Variants in MYT1L observed in about 807,000 individuals in gnomAD.
MYT1L encodes the protein myelin transcription factor 1-like protein.
Under a neutral mutation model 126.7 loss-of-function variants are expected in MYT1L, and 12 were observed. That is an observed-to-expected ratio of 0.09 (90% CI 0.06 to 0.15). The LOEUF is 0.15. Ranked by LOEUF, MYT1L falls within the 10% of genes least tolerant of loss-of-function variation. The pLI, the probability that MYT1L is intolerant of heterozygous loss-of-function variation, is 1.00. For synonymous variants in MYT1L, 541 were observed against 604.2 expected (o/e 0.90, Z 1.53); for missense variants, 979 against 1,585.2 (o/e 0.62, Z 6.49).
chr2:2,140,833 T>C (rs2083868056), intron 3 of MYT1L, among the ~76,000 whole-genome samples: 1 of 152,220 alleles, frequency 6.6e-6, no homozygotes, highest in Non-Finnish European at 1.5e-5. Context: ...CCTCCCAAAG[T>C]GTTGGGATTA....
At chr2:1,920,108 TGGTCA>T (rs1330727497) in intron 10 of MYT1L, among the ~76,000 whole-genome samples, 1 of 152,182 alleles carries the variant, frequency 6.6e-6, no homozygotes, top group Non-Finnish European at 1.5e-5. Flanking sequence ...AAATGAGCTT[TGGTCA>T]GAGCAGGAAG....
chr2:1,999,468 A>C (rs575267674), intron 4 of MYT1L, among the ~76,000 whole-genome samples: 3 of 152,364 alleles, frequency 2.0e-5, no homozygotes, highest in Admixed American at 6.5e-5. Context: ...ACACAGTTGA[A>C]ATCTTAAATA....
intron 8 of MYT1L, among the ~76,000 whole-genome samples, chr2:1,952,830 TCCTTCCCTTACCTTTG>T (rs1355676279): frequency 1.5e-5 from 1 of 68,706 alleles, no homozygotes; most frequent in African/African-American, 7.0e-5. Context: ...TCTCCCTCCC[TCCTTCCCTTACCTTTG>T]CCTTCCCTTA....
intron 13 of MYT1L, among the ~76,000 whole-genome samples, chr2:1,904,845 G>A (rs1193421175): frequency 1.3e-5 from 2 of 151,244 alleles, no homozygotes; most frequent in East Asian, 2.0e-4. Context: ...CCAGGCTGGA[G>A]TGCAGTGGTG....
At chr2:2,177,862 A>T (rs1435313487) in intron 2 of MYT1L, among the ~76,000 whole-genome samples, 2 of 152,138 alleles carry the variant, frequency 1.3e-5, no homozygotes. Flanking sequence ...CACAGAGCCT[A>T]ATCATATAAT....
chr2:1,897,784 T>G (rs898938720), intron 14 of MYT1L, among the ~76,000 whole-genome samples: 1 of 152,094 alleles, frequency 6.6e-6, no homozygotes. Context: ...TTGATCAAAT[T>G]TTTTTTCAGT....
intron 1 of MYT1L, among the ~76,000 whole-genome samples, chr2:2,302,528 A>G (rs1398792813): frequency 6.6e-6 from 1 of 152,176 alleles, no homozygotes; most frequent in Non-Finnish European, 1.5e-5. Flanking sequence ...TGAGATGTCA[A>G]ATTGCAATGA....
At chr2:2,131,795 T>A (rs566802847) in intron 3 of MYT1L, among the ~76,000 whole-genome samples, 3 of 151,732 alleles carry the variant, frequency 2.0e-5, no homozygotes, top group Non-Finnish European at 2.9e-5. Flanking sequence ...GAGAACTCGG[T>A]CATGTAACCT....
chr2:2,057,291 C>T (rs538341027), intron 3 of MYT1L, among the ~76,000 whole-genome samples: 2 of 152,146 alleles, frequency 1.3e-5, no homozygotes, highest in East Asian at 1.9e-4. Context: ...CATAGCCACG[C>T]CCAGCCTTTT....
At chr2:1,850,132 C>T (rs564883997) in intron 19 of MYT1L, among the ~76,000 whole-genome samples, 4 of 149,620 alleles carry the variant, frequency 2.7e-5, no homozygotes, top group East Asian at 4.0e-4. Context: ...CCCTCCTGCC[C>T]CTCCCTCCTT....
At chr2:2,278,578 T>C (rs186894023) in intron 2 of MYT1L, among the ~76,000 whole-genome samples, 151 of 152,338 alleles carry the variant, frequency 9.9e-4, no homozygotes, top group Non-Finnish European at 1.9e-3. Context: ...AGAAATCATA[T>C]AATTTTGCCT....
At chr2:2,277,605 G>A (rs760119020) in intron 2 of MYT1L, among the ~76,000 whole-genome samples, 5 of 152,220 alleles carry the variant, frequency 3.3e-5, no homozygotes, top group Admixed American at 1.3e-4. Context: ...AGAGTCCTGG[G>A]ACTGGTTCTT....
chr2:2,221,127 A>C (rs1290926758), intron 2 of MYT1L, among the ~76,000 whole-genome samples: 1 of 152,124 alleles, frequency 6.6e-6, no homozygotes, highest in African/African-American at 2.4e-5. Flanking sequence ...TCTTTCCAAT[A>C]ATGATGTTTT....
chr2:2,151,328 T>C (rs1039967145), intron 3 of MYT1L, among the ~76,000 whole-genome samples: 1 of 152,046 alleles, frequency 6.6e-6, no homozygotes, highest in African/African-American at 2.4e-5. Context: ...ACAAAATCTA[T>C]AGTCAGTCAG....
rs574297250 is a variant in MYT1L at position 2,217,712 on chromosome 2, A to C, written c.-420-44724T>G. Among the ~76,000 whole-genome samples the C allele has an allele frequency of 2.8e-4, 39 of 140,646 alleles. 2 individuals are homozygous for C. Among genetic ancestry groups the C allele is most frequent in the Non-Finnish European group, 3.0e-4 (19 of 63,364 alleles). The allele number at this position is 140,646 out of a possible 152,430, so 92.3% of individuals were successfully genotyped here. A position where few individuals can be genotyped will look rare whatever the true frequency, so the allele number is the denominator to read the frequency against. ...ACAACAACAACAACAACAACAAAAA[A>C]AAAAAAAGAAAGAAGGAAAAAGAAA... On this transcript the variant is annotated intron_variant, in intron 2 of 24. Coordinates refer to ENST00000647738, the MANE Select transcript of MYT1L (RefSeq NM_001303052.2).
At chr2:1,800,922 G>A (rs951241906) in intron 23 of MYT1L, among the ~76,000 whole-genome samples, 1 of 151,942 alleles carries the variant, frequency 6.6e-6, no homozygotes, top group South Asian at 2.1e-4. Flanking sequence ...AAGAGGAAGG[G>A]ACACCTCTGC....
intron 10 of MYT1L, among the ~76,000 whole-genome samples, chr2:1,918,622 C>T (rs2053168541): frequency 6.6e-6 from 1 of 152,136 alleles, no homozygotes; most frequent in African/African-American, 2.4e-5. Context: ...AGACAAATGC[C>T]ATCATGTTCA....
chr2:2,182,334 C>CT (rs1276479749), intron 2 of MYT1L, among the ~76,000 whole-genome samples: 3 of 152,144 alleles, frequency 2.0e-5, no homozygotes, highest in Non-Finnish European at 4.4e-5. Flanking sequence ...TACTTGAACA[C>CT]TTTTTTAAAA....
rs567574411 is a variant in MYT1L at position 2,003,822 on chromosome 2, C to T, written c.-157-6475G>A. On this transcript the variant is annotated intron_variant, in intron 4 of 24. Transcript: ENST00000647738. ...TGGGAGCAGCACCTGTTCTCATGGC[C>T]CCAGGCCCGGCTGCTTCAGGCACCC... is the stretch of plus-strand genomic sequence containing the variant. 7.2e-5 allele frequency among the ~76,000 whole-genome samples: 11 copies of T among 152,312 alleles called. No individual in the cohort carries two copies. The South Asian group carries it at 1.7e-3, about 23-fold the overall frequency.
Sources: allele counts gnomAD v4.1 joint callset (sites outside exome capture counted in the v4.1 genomes callset), GRCh38; gene constraint gnomAD v4.1.1; transcripts MANE v1.5; gene names NCBI Gene and HGNC (gene_info 2026-07-23, HGNC 2026-07-21).